Variants in GPC5 observed in about 807,000 individuals in gnomAD.
GPC5 encodes glypican 5.
Under a neutral mutation model 53.9 loss-of-function variants are expected in GPC5, and 47 were observed. The observed-to-expected ratio is 0.87, with a 90% CI of 0.69 to 1.11. The LOEUF is 1.11. Among genes scored for constraint, GPC5 ranks in the 50% most tolerant of loss-of-function variants. The pLI is 0.00. For missense variants in GPC5, 748 were observed against 713.1 expected (o/e 1.05, Z -0.56); for synonymous variants, 286 against 263.3 (o/e 1.09, Z -0.84).
Position 92,605,576 on chromosome 13 carries a change from GT to G in GPC5, c.1562-260690del, listed in dbSNP as rs55887927. ...AATAAATGAGCAGCCGTATTCACTA[GT>G]TTTTTTTTTTTTTTTATTTTTTTGA... On this transcript the variant is annotated intron_variant, in intron 7 of 7. Transcript: ENST00000377067. 2.2e-3 allele frequency among the ~76,000 whole-genome samples: 309 copies of G among 139,642 alleles called. 1 individual carries two copies. The Middle Eastern group carries it at 0.024, about 11-fold the overall frequency. 91.6% of individuals were successfully genotyped at this position (139,642 alleles called of 152,430 possible). A position where few individuals can be genotyped will look rare whatever the true frequency, so the allele number is the denominator to read the frequency against.
At chr13:92,512,735 T>C in intron 7 of GPC5, among the ~76,000 whole-genome samples, 1 of 152,186 alleles carries the variant, frequency 6.6e-6, no homozygotes, top group East Asian at 1.9e-4. Context: ...TCATCTGAAA[T>C]TCACATGGAT....
At chr13:91,463,839 G>C (rs1882078814) in intron 2 of GPC5, among the ~76,000 whole-genome samples, 1 of 152,008 alleles carries the variant, frequency 6.6e-6, no homozygotes, top group Non-Finnish European at 1.5e-5. Context: ...GAATCTTAGG[G>C]ACCTAGGTCT....
At chr13:92,178,978 AAATG>A (rs1349132124) in intron 7 of GPC5, among the ~76,000 whole-genome samples, 5 of 151,954 alleles carry the variant, frequency 3.3e-5, no homozygotes, top group Non-Finnish European at 4.4e-5. Flanking sequence ...CTCAAAAAAT[AAATG>A]AATAAATAAA....
At chr13:91,593,667 C>A (rs894010392) in intron 2 of GPC5, among the ~76,000 whole-genome samples, 1 of 152,122 alleles carries the variant, frequency 6.6e-6, no homozygotes, top group Non-Finnish European at 1.5e-5. Context: ...CTAGACCCAG[C>A]AGAAATGAGT....
At chr13:92,766,086 AG>A (rs1875393897) in intron 7 of GPC5, among the ~76,000 whole-genome samples, 1 of 152,134 alleles carries the variant, frequency 6.6e-6, no homozygotes, top group African/African-American at 2.4e-5. Flanking sequence ...TTTTACTGAC[AG>A]GCTACATTTG....
intron 7 of GPC5, among the ~76,000 whole-genome samples, chr13:92,695,735 G>T (rs1887538721): frequency 6.6e-6 from 1 of 151,492 alleles, no homozygotes; most frequent in South Asian, 2.1e-4. Context: ...AAGTTCTGGG[G>T]TACATGTGCA....
At position 91,780,104 on chromosome 13, in the gene GPC5, G is replaced by A. The variant is rs146169897; in HGVS notation, c.1280+23684G>A. The stretch of plus-strand genomic sequence containing the variant: ...CATGTGAGTAACATTGCACTATGAT[G>A]TTATAAAGGCTACGGTGTCACTAGG... On this transcript the variant is annotated intron_variant, in intron 5 of 7. Coordinates refer to ENST00000377067, the MANE Select transcript of GPC5 (RefSeq NM_004466.6). 4.2e-3 allele frequency among the ~76,000 whole-genome samples: 633 copies of A among 152,270 alleles called. 3 individuals are homozygous for A. Among genetic ancestry groups the A allele is most frequent in the Admixed American group, 6.8e-3 (104 of 15,292 alleles).
intron 7 of GPC5, among the ~76,000 whole-genome samples, chr13:92,801,828 T>C (rs1484225973): frequency 6.6e-6 from 1 of 151,792 alleles, no homozygotes; most frequent in Non-Finnish European, 1.5e-5. Flanking sequence ...AATAAGGATA[T>C]AAAGGAAATA....
chr13:92,724,110 ATAAGT>A (rs1159246140), intron 7 of GPC5, among the ~76,000 whole-genome samples: 1 of 151,612 alleles, frequency 6.6e-6, no homozygotes, highest in African/African-American at 2.4e-5. Context: ...ATGGAAAAAC[ATAAGT>A]TAAATTATCC....
intron 7 of GPC5, among the ~76,000 whole-genome samples, chr13:92,493,348 G>A (rs952221036): frequency 6.6e-6 from 1 of 152,106 alleles, no homozygotes; most frequent in African/African-American, 2.4e-5. Flanking sequence ...AGAAATAACA[G>A]GGAGGGAACA....
At chr13:91,438,699 G>T (rs1034879563) in intron 1 of GPC5, among the ~76,000 whole-genome samples, 1 of 152,196 alleles carries the variant, frequency 6.6e-6, no homozygotes, top group Non-Finnish European at 1.5e-5. Flanking sequence ...GTCAGACAGG[G>T]ACATTTAAGT....
At chr13:91,761,048 C>T (rs2037400048) in intron 5 of GPC5, among the ~76,000 whole-genome samples, 1 of 152,086 alleles carries the variant, frequency 6.6e-6, no homozygotes, top group Non-Finnish European at 1.5e-5. Flanking sequence ...CAACATTGTT[C>T]TCTGAAAGGC....
At chr13:91,854,493 T>C (rs2038946364) in intron 5 of GPC5, among the ~76,000 whole-genome samples, 1 of 151,784 alleles carries the variant, frequency 6.6e-6, no homozygotes, top group Non-Finnish European at 1.5e-5. Flanking sequence ...TTACTCATTC[T>C]TTCTAGCTTT....
intron 5 of GPC5, among the ~76,000 whole-genome samples, chr13:91,798,698 T>C (rs2038086853): frequency 6.6e-6 from 1 of 152,138 alleles, no homozygotes; most frequent in African/African-American, 2.4e-5. Flanking sequence ...TACGTATATA[T>C]CCAGTAATGA....
At chr13:91,777,084 C>G (rs548801641) in intron 5 of GPC5, among the ~76,000 whole-genome samples, 1 of 152,268 alleles carries the variant, frequency 6.6e-6, no homozygotes, top group South Asian at 2.1e-4. Context: ...CCTTTCCTTT[C>G]TCATGTTTGA....
At chr13:91,472,907 G>A (rs913432049) in intron 2 of GPC5, among the ~76,000 whole-genome samples, 10 of 152,210 alleles carry the variant, frequency 6.6e-5, no homozygotes, top group Admixed American at 1.3e-4. Context: ...AAAATTCAGG[G>A]AATACAGAGA....
chr13:91,778,066 C>T (rs955946558), intron 5 of GPC5, among the ~76,000 whole-genome samples: 1 of 149,610 alleles, frequency 6.7e-6, no homozygotes. Flanking sequence ...AGGATCCTTT[C>T]AAATACACAC....
intron 2 of GPC5, among the ~76,000 whole-genome samples, chr13:91,511,733 A>C (rs2139333739): frequency 6.6e-6 from 1 of 151,840 alleles, no homozygotes; most frequent in African/African-American, 2.4e-5. Context: ...CTCTTATAAA[A>C]TTTCCCATCT....
At chr13:92,575,687 A>G (rs1279124500) in intron 7 of GPC5, among the ~76,000 whole-genome samples, 1 of 152,142 alleles carries the variant, frequency 6.6e-6, no homozygotes, top group Non-Finnish European at 1.5e-5. Flanking sequence ...CCCTGGGCCC[A>G]TATTCCTCTC....
Sources: allele counts gnomAD v4.1 joint callset (sites outside exome capture counted in the v4.1 genomes callset), GRCh38; gene constraint gnomAD v4.1.1; transcripts MANE v1.5; gene names NCBI Gene and HGNC (gene_info 2026-07-23, HGNC 2026-07-21).